The following RIMS2 variants were observed in gnomAD, a reference collection of about 807,000 sequenced individuals.
RIMS2 encodes regulating synaptic membrane exocytosis 2, also known as regulating synaptic membrane exocytosis protein 2.
In RIMS2, 59 loss-of-function variants were observed where a neutral mutation model predicts 174.4. The ratio of observed to expected loss-of-function variants is 0.34; its 90% confidence interval spans 0.27 to 0.42. The LOEUF (loss-of-function observed/expected upper bound fraction) is 0.42. Among genes scored for constraint, RIMS2 ranks in the 10% least tolerant of loss-of-function variants. The pLI, the probability that RIMS2 is intolerant of heterozygous loss-of-function variation, is 1.00. For synonymous variants in RIMS2, 606 were observed against 572.5 expected (o/e 1.06, Z -0.84); for missense variants, 1,620 against 1,666.3 (o/e 0.97, Z 0.48).
At chr8:103,836,426 G>C (rs937410849) in intron 3 of RIMS2, among the ~76,000 whole-genome samples, 1 of 152,136 alleles carries the variant, frequency 6.6e-6, no homozygotes. Flanking sequence ...GCCAGTCATG[G>C]TGTTGCACAC....
chr8:103,738,848 A>C (rs1407772394), intron 2 of RIMS2, among the ~76,000 whole-genome samples: 2 of 151,928 alleles, frequency 1.3e-5, no homozygotes, highest in Admixed American at 6.6e-5. Context: ...CACACCAGTT[A>C]GAATGGCGAT....
chr8:103,860,635 A>G (rs2099053583), intron 3 of RIMS2, among the ~76,000 whole-genome samples: 1 of 152,130 alleles, frequency 6.6e-6, no homozygotes, highest in African/African-American at 2.4e-5. Context: ...TTGAGGGCTT[A>G]GTGAAAGAGT....
chr8:103,720,870 T>C (rs2097437588), intron 2 of RIMS2, among the ~76,000 whole-genome samples: 1 of 152,230 alleles, frequency 6.6e-6, no homozygotes, highest in Non-Finnish European at 1.5e-5. Context: ...AACGTAATTT[T>C]AAAAACCATT....
At chr8:103,818,066 T>C (rs1564745591) in intron 3 of RIMS2, among the ~76,000 whole-genome samples, 1 of 152,070 alleles carries the variant, frequency 6.6e-6, no homozygotes, top group Non-Finnish European at 1.5e-5. Context: ...AAACCCATAA[T>C]TGAACATCTT....
At chr8:103,843,081 A>G (rs2098949693) in intron 3 of RIMS2, among the ~76,000 whole-genome samples, 2 of 152,224 alleles carry the variant, frequency 1.3e-5, no homozygotes, top group African/African-American at 4.8e-5. Context: ...TAAAGGTCCT[A>G]TCTCCAAATA....
chr8:104,006,370 G>A (rs1199745346), intron 17 of RIMS2, among the ~76,000 whole-genome samples: 1 of 151,970 alleles, frequency 6.6e-6, no homozygotes, highest in Non-Finnish European at 1.5e-5. Flanking sequence ...GACCAACATG[G>A]AGAAACCCTA....
chr8:104,042,821 T>C lies in RIMS2; in HGVS notation c.3334+28206T>C, dbSNP rs117847867. On this transcript the variant is annotated intron_variant, in intron 19 of 23. Transcript: ENST00000504942. ...AGAAGTCTGGGCTAGAGACATAGAT[T>C]AGGGTAGCATATCAGCATTCAAGTG... Among the ~76,000 whole-genome samples, 160 of 151,548 alleles carry C rather than the reference T, an allele frequency of 1.1e-3. 2 individuals carry two copies. The East Asian group carries it at 0.027, about 26-fold the overall frequency.
chr8:103,807,330 T>TA (rs1212547316), intron 3 of RIMS2, among the ~76,000 whole-genome samples: 5 of 152,152 alleles, frequency 3.3e-5, no homozygotes, highest in African/African-American at 9.6e-5. Flanking sequence ...TAAGTCATGG[T>TA]AAAAAAAGAA....
rs188150604 is a variant in RIMS2 at position 103,704,027 on chromosome 8, T to C, written c.387+6731T>C. Among the ~76,000 whole-genome samples, 20 of 152,092 alleles carry C rather than the reference T, an allele frequency of 1.3e-4. No homozygotes were observed. The East Asian group carries it at 3.3e-3, about 25-fold the overall frequency. On this transcript the variant is annotated intron_variant, in intron 2 of 23. Transcript: ENST00000504942. ...CTAGAATTTCCAATACTATATTGAA[T>C]AAAAGCGGTGAAAGTGGGTATCCTA...
intron 3 of RIMS2, among the ~76,000 whole-genome samples, chr8:103,810,170 C>T (rs2098677503): frequency 1.3e-5 from 2 of 152,166 alleles, no homozygotes; most frequent in Admixed American, 1.3e-4. Flanking sequence ...CCAAAGACTT[C>T]TGCCTATATG....
intron 19 of RIMS2, among the ~76,000 whole-genome samples, chr8:104,204,543 A>G (rs1341193338): frequency 6.6e-6 from 1 of 151,878 alleles, no homozygotes; most frequent in Non-Finnish European, 1.5e-5. Context: ...TATATTAAAA[A>G]ATTTACAGAG....
chr8:104,199,434 G>C (rs2099043037), intron 19 of RIMS2, among the ~76,000 whole-genome samples: 1 of 152,150 alleles, frequency 6.6e-6, no homozygotes, highest in South Asian at 2.1e-4. Flanking sequence ...GTAAAGGGAG[G>C]GAATCTTTCA....
At chr8:103,685,330 G>A (rs1045579856) in intron 1 of RIMS2, among the ~76,000 whole-genome samples, 2 of 152,016 alleles carry the variant, frequency 1.3e-5, no homozygotes, top group African/African-American at 4.8e-5. Flanking sequence ...AAGAGAGGGA[G>A]CAAGGGCAGG....
chr8:104,155,187 A>C (rs1048380014), intron 19 of RIMS2, among the ~76,000 whole-genome samples: 7 of 151,798 alleles, frequency 4.6e-5, no homozygotes, highest in African/African-American at 1.7e-4. Flanking sequence ...CCTCACTGCA[A>C]GCTCCTCCTC....
chr8:103,776,571 T>C (rs189622122), intron 3 of RIMS2, among the ~76,000 whole-genome samples: 120 of 152,234 alleles, frequency 7.9e-4, no homozygotes, highest in South Asian at 1.2e-3. Context: ...TATTTGGTAA[T>C]TTTAAAAATT....
intron 1 of RIMS2, among the ~76,000 whole-genome samples, chr8:103,638,157 A>G (rs2096133804): frequency 6.6e-6 from 1 of 152,098 alleles, no homozygotes; most frequent in Non-Finnish European, 1.5e-5. Context: ...ATTGGTTGCA[A>G]GTGGGTCACT....
chr8:103,976,257 C>T (rs778374495), intron 16 of RIMS2: 5 of 152,226 alleles, frequency 3.3e-5, no homozygotes, highest in Non-Finnish European at 5.9e-5. Flanking sequence ...CAAGGAAAAA[C>T]AAGATGCTAT....
At chr8:103,738,169 G>T (rs2097711300) in intron 2 of RIMS2, among the ~76,000 whole-genome samples, 1 of 151,976 alleles carries the variant, frequency 6.6e-6, no homozygotes, top group Non-Finnish European at 1.5e-5. Flanking sequence ...TTTCTTCCCT[G>T]CCCTCAACCC....
At position 103,545,572 on chromosome 8, in the gene RIMS2, C is replaced by T. The variant is rs181572762; in HGVS notation, c.176+44510C>T. 2.1e-4 allele frequency among the ~76,000 whole-genome samples: 32 copies of T among 152,166 alleles called. 1 individual carries two copies. The highest frequency in any genetic ancestry group is 3.4e-3 in the Middle Eastern group (1 of 294). On this transcript the variant is annotated intron_variant, in intron 1 of 23. Transcript: ENST00000504942. Reference sequence around the variant, plus strand: ...GATGACCATCACTAATATACATAGACGTCAGATTCTCCAAGGTCGAAATGA... The same window carrying T: ...GATGACCATCACTAATATACATAGATGTCAGATTCTCCAAGGTCGAAATGA...
Sources: allele counts gnomAD v4.1 joint callset (sites outside exome capture counted in the v4.1 genomes callset), GRCh38; gene constraint gnomAD v4.1.1; transcripts MANE v1.5; gene names NCBI Gene and HGNC (gene_info 2026-07-23, HGNC 2026-07-21).